The following NEK5 variants were observed in gnomAD, a reference collection of about 807,000 sequenced individuals.
NEK5 encodes NIMA related kinase 5, also known as serine/threonine-protein kinase Nek5.
In NEK5, 88 loss-of-function variants were observed where a neutral mutation model predicts 109.2. That is an observed-to-expected ratio of 0.81 (90% CI 0.68 to 0.96). The LOEUF is 0.96. Ranked by LOEUF, NEK5 falls within the 40% of genes least tolerant of loss-of-function variation. NEK5 has a pLI of 0.00. For synonymous variants in NEK5, 283 were observed against 299.9 expected, an observed-to-expected ratio of 0.94 and a Z score of 0.58; for missense variants, 834 against 920.7, an observed-to-expected ratio of 0.91 and a Z score of 1.22.
intron 12 of NEK5, among the ~76,000 whole-genome samples, chr13:52,094,136 G>A (rs1955353992): frequency 6.6e-6 from 1 of 152,118 alleles, no homozygotes; most frequent in Admixed American, 6.5e-5. Context: ...ATGAGAATAG[G>A]AGAACCAGAA....
In NEK5 at chr13:52,083,275, TC is replaced by T; in HGVS notation, c.1556del (p.Gly519GlufsTer12). The T allele has an allele frequency of 6.2e-7, 1 of 1,610,966 alleles. No homozygotes were observed. The highest frequency in any genetic ancestry group is 8.5e-7 in the Non-Finnish European group (1 of 1,177,094). On this transcript the variant is annotated frameshift_variant, in exon 17 of 24. Coordinates refer to ENST00000684899, the MANE Select transcript of NEK5 (RefSeq NM_001365552.1). LOFTEE classifies it high-confidence loss of function. ...CCATCATTACCTGCACAGGTGCTTC[TC>T]CCTCAGATGCATCTTGATGGACAGG... ...NLPVHQDASE[G>X]EAPVQDIEKD...
chr13:52,072,167 T>G (rs1954795275), intron 19 of NEK5, 97 bp from the exon 20 acceptor site: 1 of 857,316 alleles, frequency 1.2e-6, no homozygotes, highest in Non-Finnish European at 1.8e-6. Context: ...ATTAGCAAGG[T>G]ATATAGTAAA....
At chr13:52,062,694 C>T (rs1445743302) in intron 21 of NEK5, among the ~76,000 whole-genome samples, 1 of 152,138 alleles carries the variant, frequency 6.6e-6, no homozygotes, top group Non-Finnish European at 1.5e-5. Context: ...GCTGGGATTA[C>T]AGGCGTAAAC....
intron 11 of NEK5, among the ~76,000 whole-genome samples, chr13:52,100,322 C>T (rs575274097): frequency 8.5e-5 from 13 of 152,136 alleles, no homozygotes; most frequent in African/African-American, 2.9e-4. Flanking sequence ...GGTGCAGTGG[C>T]AGGGTCTGAG....
intron 12 of NEK5, among the ~76,000 whole-genome samples, chr13:52,094,547 G>A (rs925960134): frequency 6.6e-6 from 1 of 152,208 alleles, no homozygotes; most frequent in Non-Finnish European, 1.5e-5. Context: ...ACTTTGGGAG[G>A]CTGAGGCAGG....
At chr13:52,079,339 T>C (rs1566761534) in intron 17 of NEK5, among the ~76,000 whole-genome samples, 1 of 130,952 alleles carries the variant, frequency 7.6e-6, no homozygotes, top group Non-Finnish European at 1.5e-5. Flanking sequence ...ACGGTCTCCC[T>C]CTGATGCCGA....
intron 12 of NEK5, 131 bp from the exon 13 acceptor site, chr13:52,093,366 C>T (rs947177185): frequency 3.4e-6 from 2 of 585,344 alleles, no homozygotes; most frequent in Non-Finnish European, 6.0e-6. Flanking sequence ...TCAAGACCAG[C>T]CTGGCCAACA....
At chr13:52,075,996 C>G in intron 18 of NEK5, 67 bp downstream of exon 18, 2 of 1,056,148 alleles carry the variant, frequency 1.9e-6, no homozygotes, top group South Asian at 2.8e-5. Flanking sequence ...TGCAGGCAAC[C>G]GAGATCACAA....
At chr13:52,053,334 T>C (rs1055071856) in intron 22 of NEK5, among the ~76,000 whole-genome samples, 3 of 151,972 alleles carry the variant, frequency 2.0e-5, no homozygotes, top group Non-Finnish European at 1.5e-5. Context: ...GGAGGAAAAA[T>C]TATTTGAAAA....
At chr13:52,100,013 C>T (rs1955498339) in intron 11 of NEK5, 137 bp from the exon 12 acceptor site, 1 of 628,308 alleles carries the variant, frequency 1.6e-6, no homozygotes, top group Middle Eastern at 4.5e-4. Context: ...ATTTTACACA[C>T]AGTGAGAGTA....
At chr13:52,052,059 T>A (rs188380081) in intron 22 of NEK5, among the ~76,000 whole-genome samples, 1 of 152,214 alleles carries the variant, frequency 6.6e-6, no homozygotes, top group East Asian at 1.9e-4. Context: ...CAAACTTTTG[T>A]CTCTTATCTA....
chr13:52,080,742 A>C (rs912906533), intron 17 of NEK5, among the ~76,000 whole-genome samples: 10 of 152,054 alleles, frequency 6.6e-5, no homozygotes, highest in Admixed American at 1.3e-4. Context: ...GTACCCAGGG[A>C]CACAAACACT....
In NEK5 at chr13:52,093,189, T is replaced by C. The variant is rs1273676155; in HGVS notation, c.1073A>G (p.Tyr358Cys). 2.5e-6 allele frequency: 4 copies of C among 1,613,612 alleles called. No homozygotes were observed. The Admixed American group carries it at 6.7e-5, about 27-fold the overall frequency. Residue 358 changes from tyrosine to cysteine, a missense_variant, in exon 13 of 24, where the codon TAT becomes TGT. Physicochemically the swap from Tyr to Cys is radical, Grantham distance 194. This residue lies in a region of NEK5 where 777 missense variants were observed against 824.7 expected (regional missense o/e 0.94). Transcript: ENST00000684899. The part of the protein sequence containing the change: ...RPKIAAVCGH[Y>C]DYYYAQLDML... Reference sequence around the variant, plus strand: ...ATCAAGTTGAGCATAATAATAATCATAATGTCCACAGACAGCAGCAATTTT... The same window carrying C: ...ATCAAGTTGAGCATAATAATAATCACAATGTCCACAGACAGCAGCAATTTT...
intron 21 of NEK5, among the ~76,000 whole-genome samples, chr13:52,063,099 T>C (rs1241541871): frequency 2.0e-5 from 3 of 151,902 alleles, no homozygotes; most frequent in Non-Finnish European, 4.4e-5. Flanking sequence ...TCCCTCTCTT[T>C]CCACGGTCTC....
At chr13:52,125,815 G>C (rs981420520) in intron 3 of NEK5, among the ~76,000 whole-genome samples, 25 of 152,104 alleles carry the variant, frequency 1.6e-4, no homozygotes, top group Admixed American at 4.6e-4. Context: ...AAAAGAGAGT[G>C]AGCAGAATAA....
chr13:52,038,642 A>G (rs1386418145), intron 23 of NEK5, among the ~76,000 whole-genome samples: 4 of 151,994 alleles, frequency 2.6e-5, no homozygotes, highest in Admixed American at 2.0e-4. Context: ...TCACTGTGTT[A>G]CCCAGGCTGG....
At position 52,122,833 on chromosome 13, in the gene NEK5, A is replaced by T. The variant is rs1452213813; in HGVS notation, c.118-3418T>A. Among the ~76,000 whole-genome samples the T allele has an allele frequency of 3.3e-5, 5 of 152,354 alleles. No homozygotes were observed. The East Asian group carries it at 9.6e-4, about 29-fold the overall frequency. ...TAATAACTTATATACTTATACATTA[A>T]AAATAGTCTAGAGAGAAATTCAGCA... On this transcript the variant is annotated intron_variant, in intron 3 of 23. Coordinates refer to ENST00000684899, the MANE Select transcript of NEK5 (RefSeq NM_001365552.1).
At chr13:52,047,197 A>G (rs1177469508) in intron 23 of NEK5, among the ~76,000 whole-genome samples, 2 of 151,932 alleles carry the variant, frequency 1.3e-5, no homozygotes, top group Non-Finnish European at 2.9e-5. Flanking sequence ...TTACAAGTGT[A>G]CATGCTCTTT....
intron 20 of NEK5, among the ~76,000 whole-genome samples, chr13:52,066,849 T>C (rs1359466138): frequency 1.3e-5 from 2 of 152,076 alleles, no homozygotes; most frequent in Non-Finnish European, 2.9e-5. Context: ...CATTTTCTAA[T>C]GTATAACTTT....
Sources: allele counts gnomAD v4.1 joint callset (sites outside exome capture counted in the v4.1 genomes callset), GRCh38; gene constraint gnomAD v4.1.1; regional missense constraint gnomAD v4.1.1; transcripts MANE v1.5; gene names NCBI Gene and HGNC (gene_info 2026-07-23, HGNC 2026-07-21).